The following AHCYL2 variants were observed in gnomAD, a reference collection of about 807,000 sequenced individuals.
The protein encoded by AHCYL2 is adenosylhomocysteinase like 2.
Under a neutral mutation model 81.4 loss-of-function variants are expected in AHCYL2, and 28 were observed. That is an observed-to-expected ratio of 0.34 (90% CI 0.25 to 0.47). The LOEUF is 0.47. Ranked by LOEUF, AHCYL2 falls within the 20% of genes least tolerant of loss-of-function variation. The probability of loss-of-function intolerance (pLI) is 1.00; values close to 1 mark genes in which losing one functional copy is unlikely to be tolerated. For missense variants in AHCYL2, 551 were observed against 785.1 expected (o/e 0.70, Z 3.56); for synonymous variants, 272 against 290.2 (o/e 0.94, Z 0.64).
At chr7:129,257,434 G>T (rs528407318) in intron 1 of AHCYL2, among the ~76,000 whole-genome samples, 2 of 152,098 alleles carry the variant, frequency 1.3e-5, no homozygotes, top group East Asian at 3.9e-4. Context: ...GAGCAAAAGG[G>T]GCAAAGACTA....
At chr7:129,284,260 C>T (rs1014690329) in intron 1 of AHCYL2, among the ~76,000 whole-genome samples, 6 of 152,068 alleles carry the variant, frequency 3.9e-5, no homozygotes, top group East Asian at 1.9e-4. Flanking sequence ...GAAGGACAAG[C>T]GTGAGGAATA....
At chr7:129,415,749 G>C (rs773257927) in intron 12 of AHCYL2, among the ~76,000 whole-genome samples, 1 of 152,024 alleles carries the variant, frequency 6.6e-6, no homozygotes, top group African/African-American at 2.4e-5. Context: ...CCAGGAGTTC[G>C]AGACCAGTCT....
At chr7:129,249,370 A>G (rs1354023616) in intron 1 of AHCYL2, among the ~76,000 whole-genome samples, 1 of 151,968 alleles carries the variant, frequency 6.6e-6, no homozygotes, top group African/African-American at 2.4e-5. Flanking sequence ...ACCACTATCT[A>G]TACCCAAAAC....
chr7:129,313,090 G>C (rs1797717314), intron 1 of AHCYL2, among the ~76,000 whole-genome samples: 1 of 152,000 alleles, frequency 6.6e-6, no homozygotes, highest in Non-Finnish European at 1.5e-5. Context: ...ACAAGGGCAG[G>C]GATTTTTGTT....
chr7:129,265,509 A>C (rs1438367237), intron 1 of AHCYL2, among the ~76,000 whole-genome samples: 1 of 152,152 alleles, frequency 6.6e-6, no homozygotes, highest in Non-Finnish European at 1.5e-5. Context: ...TGGCAAGTGC[A>C]CAGGTTCTGA....
intron 1 of AHCYL2, among the ~76,000 whole-genome samples, chr7:129,273,886 G>A (rs1007742410): frequency 2.0e-5 from 3 of 152,156 alleles, no homozygotes; most frequent in Admixed American, 1.3e-4. Flanking sequence ...AATAATAAAA[G>A]AGGAACAGAG....
At chr7:129,262,313 A>G (rs1795669572) in intron 1 of AHCYL2, among the ~76,000 whole-genome samples, 1 of 152,212 alleles carries the variant, frequency 6.6e-6, no homozygotes, top group Non-Finnish European at 1.5e-5. Context: ...TCAATAAGCT[A>G]TAGGAGGAGT....
rs1794192542 is a variant in AHCYL2, at chr7:129,368,093, A to G, written c.364-11545A>G. 9.9e-7 allele frequency: 1 copy of G among 1,006,706 alleles called. No individual in the cohort carries two copies. The allele number at this position is 1,006,706 out of a possible 1,614,324, so 62.4% of individuals were successfully genotyped here. Reference sequence around the variant, plus strand: ...CCAGTGACGTGTCCTGAAGGGTGGGAGAGAATTCACAAGTGCCTCACACAC... The same window carrying G: ...CCAGTGACGTGTCCTGAAGGGTGGGGGAGAATTCACAAGTGCCTCACACAC... On this transcript the variant is annotated intron_variant, in intron 1 of 16. Transcript: ENST00000325006. This position sits in a 1 kb window ranked among gnomAD's most constrained non-coding sequence, Gnocchi z 4.4.
chr7:129,426,652 G>A lies in AHCYL2; in HGVS notation c.1829+89G>A. On this transcript the variant is annotated intron_variant, in intron 16 of 16. Transcript: ENST00000325006. This position sits in a 1 kb window ranked among gnomAD's most constrained non-coding sequence, Gnocchi z 4.3. ...GGTCTTTGCATCCCCAACCACATAT[G>A]CTTACATGAACTCAGAAAAATGAAC... 2 of 1,527,022 alleles carry A rather than the reference G, an allele frequency of 1.3e-6. No individual in the cohort carries two copies. The highest frequency in any genetic ancestry group is 1.8e-6 in the Non-Finnish European group (2 of 1,138,028). 94.6% of individuals were successfully genotyped at this position (1,527,022 alleles called of 1,614,324 possible). A position where few individuals can be genotyped will look rare whatever the true frequency, so the allele number is the denominator to read the frequency against.
chr7:129,325,276 G>T (rs1798179849), intron 1 of AHCYL2, among the ~76,000 whole-genome samples: 1 of 152,016 alleles, frequency 6.6e-6, no homozygotes, highest in Admixed American at 6.6e-5. Context: ...TGTTTTTGAA[G>T]GATATTTTTA....
chr7:129,411,059 C>T (rs1484212871), intron 11 of AHCYL2, among the ~76,000 whole-genome samples: 3 of 152,002 alleles, frequency 2.0e-5, no homozygotes, highest in Non-Finnish European at 4.4e-5. Flanking sequence ...GCCACCCTGC[C>T]CAGCCTGGAC....
intron 12 of AHCYL2, among the ~76,000 whole-genome samples, chr7:129,415,489 A>G (rs910106164): frequency 6.6e-6 from 1 of 152,234 alleles, no homozygotes; most frequent in African/African-American, 2.4e-5. Flanking sequence ...GAAACTAAGA[A>G]GTTAACTACC....
At chr7:129,402,566 C>T (rs185702993) in intron 6 of AHCYL2, among the ~76,000 whole-genome samples, 13 of 152,318 alleles carry the variant, frequency 8.5e-5, no homozygotes, top group Admixed American at 2.0e-4. Flanking sequence ...TGAAGTGTCA[C>T]AGCCTCGTGC....
intron 1 of AHCYL2, among the ~76,000 whole-genome samples, chr7:129,375,254 A>T (rs1376760661): frequency 6.6e-6 from 1 of 152,192 alleles, no homozygotes; most frequent in Non-Finnish European, 1.5e-5. Context: ...GACAGAGCTG[A>T]AATCAGTGTC....
At chr7:129,393,646 T>G (rs992910006) in intron 4 of AHCYL2, among the ~76,000 whole-genome samples, 4 of 152,232 alleles carry the variant, frequency 2.6e-5, no homozygotes, top group Admixed American at 2.6e-4. Flanking sequence ...GTGGCTTCTG[T>G]GACTTCTTTT....
intron 1 of AHCYL2, among the ~76,000 whole-genome samples, chr7:129,277,681 G>C (rs1295647322): frequency 2.0e-5 from 3 of 152,184 alleles, no homozygotes; most frequent in Non-Finnish European, 4.4e-5. Flanking sequence ...GAATCAAGTA[G>C]TATGTACTCT....
intron 1 of AHCYL2, among the ~76,000 whole-genome samples, chr7:129,281,399 G>A (rs1200744703): frequency 1.3e-5 from 2 of 151,098 alleles, no homozygotes; most frequent in Admixed American, 1.3e-4. Flanking sequence ...CTTCTTTTCA[G>A]TGTTCTAGAA....
chr7:129,415,286 C>A (rs1796790935), intron 12 of AHCYL2, among the ~76,000 whole-genome samples: 1 of 152,238 alleles, frequency 6.6e-6, no homozygotes, highest in Non-Finnish European at 1.5e-5. Context: ...GTATTCATGT[C>A]ATGCCCTGGG....
intron 1 of AHCYL2, among the ~76,000 whole-genome samples, chr7:129,234,538 G>A (rs565638516): frequency 1.3e-5 from 2 of 152,016 alleles, no homozygotes; most frequent in Admixed American, 1.3e-4. Context: ...CCCACACCTG[G>A]CCAAGATGGG....
Sources: gnomAD v4.1 joint callset for allele counts (sites outside exome capture counted in the v4.1 genomes callset) on GRCh38, gnomAD v4.1.1 for gene constraint, Gnocchi (gnomAD v3.1) non-coding constraint, MANE v1.5 for transcripts, NCBI Gene and HGNC (gene_info 2026-07-23, HGNC 2026-07-21) for gene names.